The following KDM6A variants were observed in gnomAD, a reference collection of about 807,000 sequenced individuals.
KDM6A encodes the protein lysine demethylase 6A.
KDM6A carries 11 observed loss-of-function variants against 117.6 expected under a neutral mutation model. The observed-to-expected ratio is 0.09, with a 90% CI of 0.06 to 0.15. The LOEUF is 0.15. Ranked by LOEUF, KDM6A falls within the 10% of genes least tolerant of loss-of-function variation. KDM6A has a pLI of 1.00. For synonymous variants in KDM6A, 384 were observed against 396.1 expected (o/e 0.97, Z 0.36); for missense variants, 799 against 1,077.3 (o/e 0.74, Z 3.62).
chrX:45,030,150 G>A (rs2042543845), intron 6 of KDM6A, among the ~76,000 whole-genome samples: 1 of 110,250 alleles, frequency 9.1e-6, no homozygotes, highest in African/African-American at 3.3e-5. Flanking sequence ...TCTGAATGGC[G>A]ATAAGTCATT....
chrX:44,890,642 CTTTTTT>C (rs761568154), intron 2 of KDM6A, among the ~76,000 whole-genome samples: 6 of 34,766 alleles, frequency 1.7e-4, no homozygotes, highest in East Asian at 1.2e-3. Flanking sequence ...TGATGTTGAA[CTTTTTT>C]TTTTTTTTTT....
At chrX:45,049,926 T>C (rs1376443731) in intron 8 of KDM6A, among the ~76,000 whole-genome samples, 9 of 113,219 alleles carry the variant, frequency 7.9e-5, no homozygotes, top group South Asian at 7.1e-4. Flanking sequence ...CAAATATTTA[T>C]CAATTGAAGG....
intron 27 of KDM6A, among the ~76,000 whole-genome samples, chrX:45,094,125 C>G (rs749644968): frequency 4.5e-5 from 5 of 111,786 alleles, no homozygotes; most frequent in African/African-American, 1.3e-4. Context: ...TAAAAATGTA[C>G]TTTTCAGCAG....
At chrX:45,036,832 CATTTT>C (rs1335668458) in intron 7 of KDM6A, among the ~76,000 whole-genome samples, 1 of 112,538 alleles carries the variant, frequency 8.9e-6, no homozygotes, top group Non-Finnish European at 1.9e-5. Context: ...GGTAAATCCT[CATTTT>C]ATTCTACTCT....
intron 2 of KDM6A, among the ~76,000 whole-genome samples, chrX:44,883,130 G>A (rs1416977558): frequency 9.4e-6 from 1 of 106,870 alleles, no homozygotes; most frequent in East Asian, 2.9e-4. Flanking sequence ...GTGCAGCGAT[G>A]CTATCTCGGC....
intron 3 of KDM6A, among the ~76,000 whole-genome samples, chrX:44,967,614 C>CA (rs1483112416): frequency 9.0e-6 from 1 of 111,102 alleles, no homozygotes; most frequent in Non-Finnish European, 1.9e-5. Context: ...AAAAAACAAA[C>CA]AAAAAAAGGC....
In KDM6A at chrX:45,001,946, C is replaced by T. The variant is rs764418644; in HGVS notation, c.385-9015C>T. 1.5e-3 allele frequency among the ~76,000 whole-genome samples: 170 copies of T among 110,833 alleles called. 1 individual carries two copies. The highest frequency in any genetic ancestry group is 4.6e-3 in the Middle Eastern group (1 of 216). The stretch of plus-strand genomic sequence containing the variant: ...GATCCTCAGGCTGGTGCTGGTTTAC[C>T]GGAAATTCTAGGGGTGGTGCCTGTG... On this transcript the variant is annotated intron_variant, in intron 4 of 29. Coordinates refer to ENST00000611820, the MANE Select transcript of KDM6A (RefSeq NM_001291415.2).
intron 2 of KDM6A, among the ~76,000 whole-genome samples, chrX:44,881,205 C>T (rs868342826): frequency 2.7e-5 from 3 of 112,600 alleles, no homozygotes; most frequent in Admixed American, 9.4e-5. Context: ...GAGGCCGAGG[C>T]GGGCATCACG....
chrX:45,005,297 A>C (rs1191419892), intron 4 of KDM6A, among the ~76,000 whole-genome samples: 1 of 110,026 alleles, frequency 9.1e-6, no homozygotes, highest in East Asian at 2.9e-4. Context: ...GATTGGGGAC[A>C]CTGAGTGGGG....
chrX:44,968,878 G>A (rs1324250827), intron 3 of KDM6A, among the ~76,000 whole-genome samples: 2 of 108,758 alleles, frequency 1.8e-5, no homozygotes. Flanking sequence ...GCTAAGGCAG[G>A]AGAATTGCTT....
chrX:44,962,770 TAAA>T (rs753043184), intron 3 of KDM6A, among the ~76,000 whole-genome samples: 5 of 111,850 alleles, frequency 4.5e-5, no homozygotes, highest in Non-Finnish European at 9.4e-5. Flanking sequence ...ATACTTTAGT[TAAA>T]AAAAACTTTC....
chrX:45,001,078 A>G (rs1029979290), intron 4 of KDM6A, among the ~76,000 whole-genome samples: 1 of 111,962 alleles, frequency 8.9e-6, no homozygotes, highest in African/African-American at 3.2e-5. Flanking sequence ...CGTTAGATGG[A>G]GGAGGAGCAA....
chrX:44,947,814 C>T (rs1019295772), intron 2 of KDM6A, among the ~76,000 whole-genome samples: 2 of 111,806 alleles, frequency 1.8e-5, no homozygotes, highest in African/African-American at 6.5e-5. Flanking sequence ...AAGGTGTTCG[C>T]TCATTGAGGC....
intron 18 of KDM6A, 99 bp from the exon 19 acceptor site, chrX:45,076,598 G>A: frequency 1.7e-6 from 1 of 598,943 alleles, no homozygotes; most frequent in Admixed American, 3.1e-5. Context: ...TTGTGCAAAT[G>A]CCTAGTAATT....
At chrX:45,041,423 G>A (rs1358379414) in intron 8 of KDM6A, among the ~76,000 whole-genome samples, 4 of 101,777 alleles carry the variant, frequency 3.9e-5, no homozygotes, top group East Asian at 3.2e-4. Context: ...CTGGCCGGGC[G>A]GGGACTGACC....
intron 26 of KDM6A, 32 bp downstream of exon 26, chrX:45,089,962 A>G: frequency 4.5e-6 from 5 of 1,118,754 alleles, no homozygotes; most frequent in Non-Finnish European, 6.1e-6. Flanking sequence ...AAAAAAGTTA[A>G]TTTATAAAGG....
chrX:44,890,154 T>C (rs1234295092), intron 2 of KDM6A, among the ~76,000 whole-genome samples: 1 of 112,459 alleles, frequency 8.9e-6, no homozygotes, highest in Non-Finnish European at 1.9e-5. Flanking sequence ...TCAGGAATGT[T>C]ATATAAGTGG....
chrX:45,082,339 C>T (rs1249124213), intron 21 of KDM6A: 3 of 382,287 alleles, frequency 7.8e-6, no homozygotes, highest in African/African-American at 5.1e-5. Flanking sequence ...GAGGCTGAGG[C>T]AGGAGAATCG....
chrX:44,975,952 T>A (rs1393712248), intron 4 of KDM6A, among the ~76,000 whole-genome samples: 1 of 112,518 alleles, frequency 8.9e-6, no homozygotes, highest in Admixed American at 9.4e-5. Flanking sequence ...CCTCTTCAAC[T>A]GTGTGCTGGG....
Sources: gnomAD v4.1 joint callset for allele counts (sites outside exome capture counted in the v4.1 genomes callset) on GRCh38, gnomAD v4.1.1 for gene constraint, MANE v1.5 for transcripts, NCBI Gene and HGNC (gene_info 2026-07-23, HGNC 2026-07-21) for gene names.